ZMAT4: variants seen among roughly 807,000 people sequenced by gnomAD.
ZMAT4 encodes the protein zinc finger matrin-type 4.
Under a neutral mutation model 28.7 loss-of-function variants are expected in ZMAT4, and 17 were observed. The ratio of observed to expected loss-of-function variants is 0.59; its 90% CI spans 0.41 to 0.89. The LOEUF (loss-of-function observed/expected upper bound fraction) is 0.89. Among genes scored for constraint, ZMAT4 ranks in the 40% least tolerant of loss-of-function variants. The probability of loss-of-function intolerance (pLI) is 0.00; values close to 1 mark genes in which losing one functional copy is unlikely to be tolerated. For synonymous variants in ZMAT4, 117 were observed against 109.2 expected (o/e 1.07, Z -0.44); for missense variants, 240 against 283.8 (o/e 0.85, Z 1.11).
chr8:40,623,971 A>G (rs1806287662), intron 5 of ZMAT4, among the ~76,000 whole-genome samples: 1 of 152,102 alleles, frequency 6.6e-6, no homozygotes, highest in Admixed American at 6.5e-5. Context: ...ACTGGTCTAT[A>G]CCTGTGGAGG....
At chr8:40,757,880 C>A (rs1287399564) in intron 3 of ZMAT4, among the ~76,000 whole-genome samples, 1 of 152,066 alleles carries the variant, frequency 6.6e-6, no homozygotes, top group African/African-American at 2.4e-5. Flanking sequence ...CTAATCAAGG[C>A]TGCCAGTGTG....
chr8:40,725,033 C>T lies in ZMAT4; in HGVS notation c.193-27632G>A, dbSNP rs145310596. Among the ~76,000 whole-genome samples the T allele has an allele frequency of 1.7e-3, 261 of 152,266 alleles. 1 individual carries two copies. Among genetic ancestry groups the T allele is most frequent in the African/African-American group, 5.5e-3 (229 of 41,548 alleles). ...GCTAAAATTATGACTCCTTTTCCAT[C>T]ACTACATGACTTGCAAGTAAACCAC... is the stretch of plus-strand genomic sequence containing the variant. On this transcript the variant is annotated intron_variant, in intron 3 of 6. Coordinates refer to ENST00000297737, the MANE Select transcript of ZMAT4 (RefSeq NM_024645.3).
chr8:40,768,119 G>A (rs1813238259), intron 2 of ZMAT4, among the ~76,000 whole-genome samples: 1 of 152,098 alleles, frequency 6.6e-6, no homozygotes, highest in African/African-American at 2.4e-5. Flanking sequence ...CAGGGTCTGG[G>A]GACAATGCCT....
At chr8:40,591,743 G>C (rs1563355084) in intron 5 of ZMAT4, among the ~76,000 whole-genome samples, 1 of 152,126 alleles carries the variant, frequency 6.6e-6, no homozygotes, top group Non-Finnish European at 1.5e-5. Flanking sequence ...ATGGAATTTG[G>C]TGGTATCAAG....
At chr8:40,650,878 C>G (rs930554502) in intron 5 of ZMAT4, among the ~76,000 whole-genome samples, 6 of 151,960 alleles carry the variant, frequency 3.9e-5, no homozygotes, top group Admixed American at 2.6e-4. Context: ...ATTCAACAAC[C>G]CTTCAGGCTG....
intron 1 of ZMAT4, among the ~76,000 whole-genome samples, chr8:40,885,794 C>A (rs989583882): frequency 6.6e-6 from 1 of 152,232 alleles, no homozygotes; most frequent in African/African-American, 2.4e-5. Context: ...CAAATACCCA[C>A]GGGGACCATC....
At chr8:40,748,456 A>G (rs1812329338) in intron 3 of ZMAT4, among the ~76,000 whole-genome samples, 2 of 152,148 alleles carry the variant, frequency 1.3e-5, no homozygotes, top group African/African-American at 2.4e-5. Context: ...AAAGGAGGGG[A>G]ATACAACCAG....
rs991347725 is a variant in ZMAT4 at position 40,552,747 on chromosome 8, C to A, written c.675-20509G>T. On this transcript the variant is annotated intron_variant, in intron 6 of 6. Coordinates refer to ENST00000297737, the MANE Select transcript of ZMAT4 (RefSeq NM_024645.3). ...CACACTCTGCAGATGACCAAAAGGC[C>A]ACACGGGGCCTCTTTAACTTTGACT... Among the ~76,000 whole-genome samples, 14 of 152,210 alleles carry A rather than the reference C, an allele frequency of 9.2e-5. 1 individual carries two copies. The highest frequency in any genetic ancestry group is 3.1e-4 in the African/African-American group (13 of 41,536).
At chr8:40,856,307 A>T (rs1817297288) in intron 1 of ZMAT4, among the ~76,000 whole-genome samples, 1 of 152,180 alleles carries the variant, frequency 6.6e-6, no homozygotes, top group African/African-American at 2.4e-5. Context: ...AGAAGGTTTC[A>T]TGGAGGAAGT....
intron 2 of ZMAT4, among the ~76,000 whole-genome samples, chr8:40,788,731 A>C (rs1402694093): frequency 6.6e-6 from 1 of 151,868 alleles, no homozygotes; most frequent in African/African-American, 2.4e-5. Flanking sequence ...TTCTGATGCC[A>C]GTATTATTCT....
chr8:40,825,853 G>T (rs940422650), intron 1 of ZMAT4, among the ~76,000 whole-genome samples, 173 bp from the exon 2 acceptor site: 1 of 152,212 alleles, frequency 6.6e-6, no homozygotes, highest in African/African-American at 2.4e-5. Flanking sequence ...TATGTGCATA[G>T]GTTATAGTTT....
chr8:40,572,283 T>A (rs552220334), intron 6 of ZMAT4, among the ~76,000 whole-genome samples: 101 of 152,206 alleles, frequency 6.6e-4, no homozygotes, highest in African/African-American at 2.2e-3. Context: ...ATGAGTATAA[T>A]GGGGAAATAA....
intron 2 of ZMAT4, among the ~76,000 whole-genome samples, chr8:40,824,353 G>C (rs1452387316): frequency 1.3e-5 from 2 of 152,228 alleles, no homozygotes; most frequent in African/African-American, 4.8e-5. Context: ...GCTGAGGTGG[G>C]AGGATCGCTT....
At chr8:40,620,456 C>A (rs1419031423) in intron 5 of ZMAT4, among the ~76,000 whole-genome samples, 2 of 152,180 alleles carry the variant, frequency 1.3e-5, no homozygotes, top group African/African-American at 4.8e-5. Flanking sequence ...ATTAATATTA[C>A]TTTTATTCCT....
intron 3 of ZMAT4, among the ~76,000 whole-genome samples, chr8:40,725,096 C>A (rs757835636): frequency 2.6e-5 from 4 of 152,138 alleles, no homozygotes; most frequent in Non-Finnish European, 4.4e-5. Context: ...TTGCAAACTG[C>A]GGGAAGTGCC....
At chr8:40,807,194 C>A (rs1257772312) in intron 2 of ZMAT4, among the ~76,000 whole-genome samples, 1 of 149,746 alleles carries the variant, frequency 6.7e-6, no homozygotes, top group African/African-American at 2.5e-5. Context: ...GTTATCTCAG[C>A]ACTTTGGGAG....
At chr8:40,792,207 C>T (rs1039231766) in intron 2 of ZMAT4, among the ~76,000 whole-genome samples, 3 of 151,994 alleles carry the variant, frequency 2.0e-5, no homozygotes, top group Non-Finnish European at 4.4e-5. Flanking sequence ...TATGAAACTA[C>T]TATTTTTGTA....
At chr8:40,688,156 A>G (rs1809498741) in intron 4 of ZMAT4, among the ~76,000 whole-genome samples, 2 of 152,084 alleles carry the variant, frequency 1.3e-5, no homozygotes, top group Admixed American at 1.3e-4. Context: ...CACCACAACA[A>G]ATTTAATAAA....
At chr8:40,623,801 C>T (rs1413922720) in intron 5 of ZMAT4, among the ~76,000 whole-genome samples, 1 of 152,206 alleles carries the variant, frequency 6.6e-6, no homozygotes, top group Non-Finnish European at 1.5e-5. Context: ...CTTCCTTCTC[C>T]ACAGAAATAG....
Sources: allele counts gnomAD v4.1 joint callset (sites outside exome capture counted in the v4.1 genomes callset), GRCh38; gene constraint gnomAD v4.1.1; transcripts MANE v1.5; gene names NCBI Gene and HGNC (gene_info 2026-07-23, HGNC 2026-07-21).